The following PATJ variants were observed in gnomAD, a reference collection of about 807,000 sequenced individuals.
The protein encoded by PATJ is PATJ crumbs cell polarity complex component.
A neutral mutation model predicts 224.9 loss-of-function variants in PATJ; 190 were observed. The ratio of observed to expected loss-of-function variants is 0.84; its 90% confidence interval spans 0.75 to 0.95. The LOEUF (loss-of-function observed/expected upper bound fraction) is 0.95, where lower values mean the gene tolerates loss of function less well. Among genes scored for constraint, PATJ ranks in the 40% least tolerant of loss-of-function variants. The pLI is 0.00. For synonymous variants in PATJ, 769 were observed against 820.3 expected (o/e 0.94, Z 1.07); for missense variants, 2,121 against 2,270.3 (o/e 0.93, Z 1.34).
rs115997078 is a variant in PATJ at position 61,922,378 on chromosome 1, A to G, written c.3571-5352A>G. ...TACTTTAAAGTAATTTGGGGACAAG[A>G]CATGGAAACCCACAAAATGTGACAT... On this transcript the variant is annotated intron_variant, in intron 26 of 43. Transcript: ENST00000642238. Among the ~76,000 whole-genome samples the G allele has an allele frequency of 7.8e-3, 1,186 of 152,316 alleles. 24 individuals carry two copies. Among genetic ancestry groups the G allele is most frequent in the African/African-American group, 0.027 (1,123 of 41,558 alleles).
At position 61,978,227 on chromosome 1, in the gene PATJ, C is replaced by CCTT. The variant is rs1557979101; in HGVS notation, c.3671-11940_3671-11939insTTC. ...TTCCTTCCTTCCTTCCTTCCTTCCT[C>CCTT]CCTCCCTCCCTCCCTCCCTCCTTCC... is the stretch of plus-strand genomic sequence containing the variant. On this transcript the variant is annotated intron_variant, in intron 27 of 43. Transcript: ENST00000642238. 4.2e-3 allele frequency among the ~76,000 whole-genome samples: 501 copies of CCTT among 119,134 alleles called. 2 individuals are homozygous for CCTT. The highest frequency in any genetic ancestry group is 0.015 in the African/African-American group (472 of 31,150). The allele number at this position is 119,134 out of a possible 152,430, so 78.2% of individuals were successfully genotyped here.
chr1:61,864,148 C>T (rs1665044595), intron 19 of PATJ, 90 bp from the exon 20 acceptor site: 11 of 1,092,470 alleles, frequency 1.0e-5, no homozygotes, highest in African/African-American at 3.2e-5. Flanking sequence ...TATGCAGTCA[C>T]GCCAGCATTT....
At position 61,949,043 on chromosome 1, in the gene PATJ, A is replaced by G. The variant is rs1679203107; in HGVS notation, c.3670+21214A>G. On this transcript the variant is annotated intron_variant, in intron 27 of 43. Coordinates refer to ENST00000642238, the MANE Select transcript of PATJ (RefSeq NM_001350145.3). ...AACCCTTGGACACAGGGTGGGGAAC[A>G]TCACACACTGGGGTCTGTTGTGGGG... is the stretch of plus-strand genomic sequence containing the variant. Among the ~76,000 whole-genome samples, 4 of 132,750 alleles carry G rather than the reference A, an allele frequency of 3.0e-5. No homozygotes were observed. The South Asian group carries it at 1.1e-3, about 36-fold the overall frequency. The allele number at this position is 132,750 out of a possible 152,430, so 87.1% of individuals were successfully genotyped here.
intron 17 of PATJ, among the ~76,000 whole-genome samples, chr1:61,848,569 C>T (rs187892996): frequency 7.2e-5 from 11 of 152,006 alleles, no homozygotes; most frequent in Admixed American, 7.2e-4. Context: ...TAGTTGTCTC[C>T]CTTTTATTTA....
intron 14 of PATJ, among the ~76,000 whole-genome samples, chr1:61,820,937 T>A (rs1347024202): frequency 6.6e-6 from 1 of 152,042 alleles, no homozygotes; most frequent in Non-Finnish European, 1.5e-5. Flanking sequence ...GACACTAATA[T>A]CTCCTTAGCT....
At chr1:61,829,820 C>A (rs938669869) in intron 16 of PATJ, among the ~76,000 whole-genome samples, 33 of 152,290 alleles carry the variant, frequency 2.2e-4, no homozygotes, top group Admixed American at 1.1e-3. Context: ...ACTCATTAAT[C>A]AGTGAGGATA....
At chr1:61,978,597 T>C (rs1644280209) in intron 27 of PATJ, among the ~76,000 whole-genome samples, 1 of 152,040 alleles carries the variant, frequency 6.6e-6, no homozygotes. Flanking sequence ...TACAGTTTCT[T>C]TTATATATTT....
intron 24 of PATJ, among the ~76,000 whole-genome samples, chr1:61,905,125 A>G (rs1671687981): frequency 6.6e-6 from 1 of 152,228 alleles, no homozygotes; most frequent in Non-Finnish European, 1.5e-5. Flanking sequence ...TGCCAAAACA[A>G]AATACCATAA....
intron 28 of PATJ, among the ~76,000 whole-genome samples, chr1:62,012,070 A>G (rs959587379): frequency 2.6e-5 from 4 of 151,980 alleles, no homozygotes; most frequent in Non-Finnish European, 5.9e-5. Flanking sequence ...CTTAAAAGTC[A>G]ACTATTGGGC....
At chr1:61,957,841 G>A (rs1447387830) in intron 27 of PATJ, among the ~76,000 whole-genome samples, 2 of 152,146 alleles carry the variant, frequency 1.3e-5, no homozygotes, top group African/African-American at 2.4e-5. Flanking sequence ...TTTGAATCAG[G>A]TGTGAGTTCA....
At chr1:62,129,011 G>T in intron 41 of PATJ, 66 bp downstream of exon 41, 2 of 1,012,928 alleles carry the variant, frequency 2.0e-6, no homozygotes, top group Non-Finnish European at 1.5e-6. Context: ...AAGATTGAGC[G>T]TCACTGGCAG....
rs556655953 is a variant in PATJ, at chr1:62,043,759, C to T, written c.4032+5710C>T. On this transcript the variant is annotated intron_variant, in intron 30 of 43. Coordinates refer to ENST00000642238, the MANE Select transcript of PATJ (RefSeq NM_001350145.3). The stretch of plus-strand genomic sequence containing the variant: ...GCAGTTATTTTTTGAAACAGGATCT[C>T]GCTCTGTTGCCAGGCTGGAGTGCAG... 1.1e-4 allele frequency among the ~76,000 whole-genome samples: 17 copies of T among 151,838 alleles called. No homozygotes were observed. The South Asian group carries it at 2.9e-3, about 26-fold the overall frequency.
chr1:61,975,629 G>A (rs1644087277), intron 27 of PATJ, among the ~76,000 whole-genome samples: 1 of 151,960 alleles, frequency 6.6e-6, no homozygotes, highest in African/African-American at 2.4e-5. Flanking sequence ...TTCTTGGCCT[G>A]TCAGCCCTCC....
chr1:62,115,602 G>A (rs904944900), intron 35 of PATJ, among the ~76,000 whole-genome samples: 2 of 148,980 alleles, frequency 1.3e-5, no homozygotes, highest in Non-Finnish European at 3.0e-5. Context: ...AGCTTCCATG[G>A]TTTACTGGCT....
chr1:62,140,628 G>A (rs12072694), intron 41 of PATJ, among the ~76,000 whole-genome samples: 15,342 of 152,042 alleles, frequency 0.1, 873 homozygotes, highest in Middle Eastern at 0.19. Flanking sequence ...ACTCCAGCCT[G>A]GGCAACAGAG....
At chr1:61,814,905 C>T (rs1198446499) in intron 14 of PATJ, among the ~76,000 whole-genome samples, 1 of 152,134 alleles carries the variant, frequency 6.6e-6, no homozygotes, top group African/African-American at 2.4e-5. Flanking sequence ...TTCATCCATT[C>T]CTGAACTATT....
intron 15 of PATJ, among the ~76,000 whole-genome samples, chr1:61,824,884 TC>T (rs1657962276): frequency 1.3e-5 from 2 of 152,134 alleles, no homozygotes; most frequent in Non-Finnish European, 2.9e-5. Flanking sequence ...AAGACTAGGA[TC>T]CCATGGGCCT....
chr1:61,879,985 C>T (rs1667873238), intron 21 of PATJ, among the ~76,000 whole-genome samples: 1 of 151,988 alleles, frequency 6.6e-6, no homozygotes, highest in Admixed American at 6.6e-5. Flanking sequence ...ATTACAGGCA[C>T]ACGCCACCAC....
intron 14 of PATJ, among the ~76,000 whole-genome samples, chr1:61,814,557 C>CGT (rs1267709352): frequency 3.6e-5 from 5 of 138,924 alleles, no homozygotes; most frequent in East Asian, 4.5e-4. Context: ...TGCGCGCGCG[C>CGT]GCGCATGTAT....
Sources: gnomAD v4.1 joint callset for allele counts (sites outside exome capture counted in the v4.1 genomes callset) on GRCh38, gnomAD v4.1.1 for gene constraint, MANE v1.5 for transcripts, NCBI Gene and HGNC (gene_info 2026-07-23, HGNC 2026-07-21) for gene names.